Variants in GTF2H1 observed in about 807,000 individuals in gnomAD.
GTF2H1 encodes BTF2 p62.
GTF2H1 carries 16 observed loss-of-function variants against 71.2 expected under a neutral mutation model. The ratio of observed to expected loss-of-function variants is 0.22; its 90% CI spans 0.15 to 0.34. The LOEUF is 0.34. GTF2H1 is among the 10% of genes least tolerant of loss of function. The pLI is 1.00. For synonymous variants in GTF2H1, 215 were observed against 219.0 expected, an observed-to-expected ratio of 0.98 and a Z score of 0.16; for missense variants, 498 against 648.2, an observed-to-expected ratio of 0.77 and a Z score of 2.52.
intron 11 of GTF2H1, among the ~76,000 whole-genome samples, chr11:18,356,967 A>G (rs531280215): frequency 4.5e-4 from 69 of 151,758 alleles, no homozygotes; most frequent in African/African-American, 1.7e-3. Context: ...ATTTTTTTGT[A>G]TTTTTTGTAG....
intron 1 of GTF2H1, among the ~76,000 whole-genome samples, chr11:18,329,865 G>T (rs558011371): frequency 6.6e-6 from 1 of 152,178 alleles, no homozygotes; most frequent in Non-Finnish European, 1.5e-5. Flanking sequence ...CAAAAAACAT[G>T]TTAAGCAAAA....
chr11:18,360,927 T>G (rs1865681474), intron 14 of GTF2H1, among the ~76,000 whole-genome samples: 1 of 151,832 alleles, frequency 6.6e-6, no homozygotes, highest in Admixed American at 6.6e-5. Flanking sequence ...TGCCTCAGCC[T>G]TCTGAGTAGC....
chr11:18,342,888 C>A (rs1470859263), intron 7 of GTF2H1, among the ~76,000 whole-genome samples: 1 of 152,050 alleles, frequency 6.6e-6, no homozygotes, highest in Admixed American at 6.6e-5. Context: ...TATCTTCTAA[C>A]ATTTCTAGGC....
At chr11:18,357,907 A>C in intron 11 of GTF2H1, 45 bp from the exon 12 acceptor site, 1 of 1,193,842 alleles carries the variant, frequency 8.4e-7, no homozygotes, top group African/African-American at 1.5e-5. Flanking sequence ...GGCAAAAAAA[A>C]AAAAGGGAGG....
In GTF2H1 at chr11:18,333,194, A is replaced by G. The variant is rs1340831364; in HGVS notation, c.120A>G (p.Arg40=). The change falls in exon 2 of 15, where the codon AGA becomes AGG. Residue 40 remains arginine (R), a synonymous_variant. Coordinates refer to ENST00000265963, the MANE Select transcript of GTF2H1 (RefSeq NM_005316.4). ...RIAWAPEGKD[R]FTISHMYADI... The stretch of plus-strand genomic sequence containing the variant: ...CTTGGGCACCTGAAGGCAAAGATAG[A>G]TTTACAATCAGCCATATGTATGCAG... 1 of 1,613,568 alleles carries G rather than the reference A, an allele frequency of 6.2e-7. No individual in the cohort carries two copies. Among genetic ancestry groups the G allele is most frequent in the East Asian group, 2.2e-5 (1 of 44,874 alleles).
At position 18,335,742 on chromosome 11, in the gene GTF2H1, GCTT is replaced by G; in HGVS notation, c.155-8_155-6del. On this transcript the variant is annotated splice_polypyrimidine_tract_variant and intron_variant, in intron 2 of 14. Coordinates refer to ENST00000265963, the MANE Select transcript of GTF2H1 (RefSeq NM_005316.4). ...AGTGTCATCATCTAACTGCCCTCAT[GCTT>G]CTTTTTAGGCCAGAAAATTAGTCCA... The G allele has an allele frequency of 6.2e-7, 1 of 1,607,422 alleles. No individual in the cohort carries two copies. The highest frequency in any genetic ancestry group is 8.5e-7 in the Non-Finnish European group (1 of 1,174,778).
At chr11:18,349,976 C>G (rs1865388657) in intron 9 of GTF2H1, among the ~76,000 whole-genome samples, 1 of 152,116 alleles carries the variant, frequency 6.6e-6, no homozygotes, top group Non-Finnish European at 1.5e-5. Flanking sequence ...AAGTGAAAAA[C>G]AATGTATGGG....
At position 18,366,007 on chromosome 11, in the gene GTF2H1, C is replaced by CT; in HGVS notation, c.*139dup. 1 of 638,978 alleles carries CT rather than the reference C, an allele frequency of 1.6e-6. No individual in the cohort carries two copies. Among genetic ancestry groups the CT allele is most frequent in the East Asian group, 2.7e-5 (1 of 36,708 alleles). The allele number at this position is 638,978 out of a possible 1,614,324, so 39.6% of individuals were successfully genotyped here. A position where few individuals can be genotyped will look rare whatever the true frequency, so the allele number is the denominator to read the frequency against. The stretch of plus-strand genomic sequence containing the variant: ...ATCTGCTCCACGCCAACTCCCAGAG[C>CT]TGATGCTATTGTACTTGCACATTGG... On this transcript the variant is annotated 3_prime_UTR_variant, in exon 15 of 15. Transcript: ENST00000265963.
intron 2 of GTF2H1, among the ~76,000 whole-genome samples, chr11:18,334,154 C>T (rs1031993440): frequency 3.9e-5 from 6 of 152,120 alleles, no homozygotes; most frequent in South Asian, 2.1e-4. Context: ...CCGAGGTGGG[C>T]GGATCACAAG....
At chr11:18,328,016 A>G (rs1864805112) in intron 1 of GTF2H1, among the ~76,000 whole-genome samples, 1 of 151,736 alleles carries the variant, frequency 6.6e-6, no homozygotes, top group Non-Finnish European at 1.5e-5. Context: ...CAGCCTGATA[A>G]CATGGTGAAA....
chr11:18,345,652 C>T (rs1016032482), intron 7 of GTF2H1, among the ~76,000 whole-genome samples: 11 of 152,048 alleles, frequency 7.2e-5, no homozygotes, highest in African/African-American at 1.4e-4. Flanking sequence ...GCACACACCA[C>T]GCCCAGCTAA....
chr11:18,352,527 C>T (rs1865450575), intron 11 of GTF2H1, 81 bp downstream of exon 11: 1 of 623,288 alleles, frequency 1.6e-6, no homozygotes, highest in Non-Finnish European at 2.9e-6. Flanking sequence ...TTGAACCATA[C>T]AACTAATATT....
chr11:18,361,537 C>T (rs1164795960), intron 14 of GTF2H1, among the ~76,000 whole-genome samples: 3 of 152,056 alleles, frequency 2.0e-5, no homozygotes, highest in Non-Finnish European at 4.4e-5. Flanking sequence ...GGCATGGTGG[C>T]GCATGCCTGT....
chr11:18,340,402 C>T (rs1865129671), intron 5 of GTF2H1, among the ~76,000 whole-genome samples: 1 of 152,118 alleles, frequency 6.6e-6, no homozygotes, highest in Non-Finnish European at 1.5e-5. Flanking sequence ...ATTCTACTGC[C>T]TCCGCCTCCC....
chr11:18,342,939 T>C (rs975501499), intron 7 of GTF2H1, among the ~76,000 whole-genome samples: 1 of 152,156 alleles, frequency 6.6e-6, no homozygotes. Flanking sequence ...TTCTGTTTTT[T>C]GAGATGGGAT....
chr11:18,355,623 A>G (rs1239366021), intron 11 of GTF2H1, among the ~76,000 whole-genome samples: 1 of 151,870 alleles, frequency 6.6e-6, no homozygotes, highest in Non-Finnish European at 1.5e-5. Context: ...CTCTCACCTC[A>G]GCCCTCCAAG....
At position 18,332,923 on chromosome 11, in the gene GTF2H1, GAA is replaced by G. The variant is rs528971498; in HGVS notation, c.-15-134_-15-133del. Reference sequence around the variant, plus strand: ...CAACTTTATCTTCAACTTTGAATGAGAAAAGAGACTTTCTTCTTCCCCGTTAA... The same window carrying G: ...CAACTTTATCTTCAACTTTGAATGAGAAGAGACTTTCTTCTTCCCCGTTAA... On this transcript the variant is annotated intron_variant, in intron 1 of 14. Coordinates refer to ENST00000265963, the MANE Select transcript of GTF2H1 (RefSeq NM_005316.4). The G allele has an allele frequency of 5.7e-4, 317 of 557,198 alleles. No individual in the cohort carries two copies. The Admixed American group carries it at 0.01, about 18-fold the overall frequency. 34.5% of individuals were successfully genotyped at this position (557,198 alleles called of 1,614,324 possible).
At position 18,345,796 on chromosome 11, in the gene GTF2H1, G is replaced by GTCTTTTTT. The variant is rs75644482; in HGVS notation, c.838-1791_838-1790insCTTTTTTT. On this transcript the variant is annotated intron_variant, in intron 7 of 14. Transcript: ENST00000265963. ...GAGCCACCACACCCAGCACATATGA[G>GTCTTTTTT]TTTTTTTTTTTTTGAGACGGAGTCT... 1.9e-3 allele frequency among the ~76,000 whole-genome samples: 233 copies of GTCTTTTTT among 125,210 alleles called. 40 individuals carry two copies. The highest frequency in any genetic ancestry group is 2.1e-3 in the South Asian group (8 of 3,894). The allele number at this position is 125,210 out of a possible 152,430, so 82.1% of individuals were successfully genotyped here. A position where few individuals can be genotyped will look rare whatever the true frequency, so the allele number is the denominator to read the frequency against.
intron 7 of GTF2H1, among the ~76,000 whole-genome samples, chr11:18,345,289 A>T (rs891222259): frequency 2.6e-5 from 4 of 152,108 alleles, no homozygotes; most frequent in African/African-American, 9.7e-5. Context: ...TCACTTCATC[A>T]TGTTACCCTC....
Sources: gnomAD v4.1 joint callset for allele counts (sites outside exome capture counted in the v4.1 genomes callset) on GRCh38, gnomAD v4.1.1 for gene constraint, MANE v1.5 for transcripts, NCBI Gene and HGNC (gene_info 2026-07-23, HGNC 2026-07-21) for gene names.